Variants in MAML3 observed in about 807,000 individuals in gnomAD.
MAML3 encodes mastermind-like protein 3.
MAML3 carries 27 observed loss-of-function variants against 101.9 expected under a neutral mutation model. The ratio of observed to expected loss-of-function variants is 0.27; its 90% CI spans 0.20 to 0.37. MAML3 has a LOEUF of 0.37. Among genes scored for constraint, MAML3 ranks in the 10% least tolerant of loss-of-function variants. The pLI is 1.00. For synonymous variants in MAML3, 501 were observed against 555.9 expected (o/e 0.90, Z 1.39); for missense variants, 1,316 against 1,444.9 (o/e 0.91, Z 1.45).
intron 2 of MAML3, among the ~76,000 whole-genome samples, chr4:139,859,714 T>C (rs1017162401): frequency 5.3e-5 from 8 of 152,214 alleles, no homozygotes; most frequent in African/African-American, 1.9e-4. Context: ...CTAAAATTAT[T>C]CCCAATTTAC....
At chr4:140,062,686 T>TA (rs1727466893) in intron 1 of MAML3, among the ~76,000 whole-genome samples, 1 of 152,240 alleles carries the variant, frequency 6.6e-6, no homozygotes, top group South Asian at 2.1e-4. Context: ...TTGCAGTTGC[T>TA]AAAATCACAT....
chr4:139,979,865 G>T (rs1734412872), intron 1 of MAML3, among the ~76,000 whole-genome samples: 1 of 152,158 alleles, frequency 6.6e-6, no homozygotes. Flanking sequence ...ACCCAGTCCT[G>T]GGTATGTTGT....
At chr4:139,790,525 T>C (rs1274373819) in intron 2 of MAML3, among the ~76,000 whole-genome samples, 1 of 151,940 alleles carries the variant, frequency 6.6e-6, no homozygotes, top group Non-Finnish European at 1.5e-5. Flanking sequence ...ATAGAAACTG[T>C]ATCCATTAAC....
At chr4:139,795,788 A>C (rs1335950018) in intron 2 of MAML3, among the ~76,000 whole-genome samples, 1 of 152,172 alleles carries the variant, frequency 6.6e-6, no homozygotes. Flanking sequence ...GTAGTACCAT[A>C]TTGTTGTGGA....
chr4:139,977,615 G>A (rs1734365744), intron 1 of MAML3, among the ~76,000 whole-genome samples: 1 of 152,188 alleles, frequency 6.6e-6, no homozygotes, highest in Non-Finnish European at 1.5e-5. Flanking sequence ...GCTCACGCCT[G>A]TAATCCCAGC....
At chr4:139,885,243 A>G (rs2096659712) in intron 2 of MAML3, among the ~76,000 whole-genome samples, 1 of 151,922 alleles carries the variant, frequency 6.6e-6, no homozygotes, top group Admixed American at 6.6e-5. Context: ...TCTACTGAAA[A>G]TTAAAAAAAA....
At position 139,889,501 on chromosome 4, in the gene MAML3, CTGCTGCTGT is replaced by C; in HGVS notation, c.1926_1934del (p.Gln648_Gln650del). 1 of 1,611,414 alleles carries C rather than the reference CTGCTGCTGT, an allele frequency of 6.2e-7. No homozygotes were observed. The highest frequency in any genetic ancestry group is 8.5e-7 in the Non-Finnish European group (1 of 1,177,712). ...GAGGTGGCGGCTGCTGCTGCTGCTG[CTGCTGCTGT>C]TGCTGTTGCTGCTGCTGTTGCTGCT... On this transcript the variant is annotated inframe_deletion, in exon 2 of 5. Transcript: ENST00000509479.
intron 1 of MAML3, among the ~76,000 whole-genome samples, chr4:139,922,696 C>T (rs1359989842): frequency 6.6e-6 from 1 of 152,182 alleles, no homozygotes; most frequent in Non-Finnish European, 1.5e-5. Context: ...AATGGCCCAT[C>T]TTTCCCAAGG....
chr4:140,082,369 C>T (rs764609955), intron 1 of MAML3, among the ~76,000 whole-genome samples: 8 of 152,192 alleles, frequency 5.3e-5, no homozygotes, highest in Admixed American at 2.0e-4. Flanking sequence ...AAACAAACCA[C>T]ACAGACACAC....
At chr4:139,907,967 G>C (rs967948105) in intron 1 of MAML3, among the ~76,000 whole-genome samples, 13 of 152,166 alleles carry the variant, frequency 8.5e-5, no homozygotes, top group Non-Finnish European at 1.5e-4. Context: ...TGTCCACATT[G>C]CATGTATTAC....
At chr4:139,892,788 G>A (rs1253241580) in intron 1 of MAML3, among the ~76,000 whole-genome samples, 1 of 151,944 alleles carries the variant, frequency 6.6e-6, no homozygotes, top group South Asian at 2.1e-4. Flanking sequence ...AAAATTAGCC[G>A]GGCGTGGTGG....
intron 1 of MAML3, among the ~76,000 whole-genome samples, chr4:140,025,563 C>T (rs1359319041): frequency 1.3e-5 from 2 of 152,082 alleles, no homozygotes; most frequent in East Asian, 3.9e-4. Flanking sequence ...CACCTGGGTA[C>T]ACAGTTCACT....
chr4:140,000,281 AAG>A (rs1273969279), intron 1 of MAML3, among the ~76,000 whole-genome samples: 2 of 152,144 alleles, frequency 1.3e-5, no homozygotes, highest in Non-Finnish European at 2.9e-5. Flanking sequence ...ATGAGATAAA[AAG>A]AGCCAGCAAA....
At chr4:140,064,021 C>A (rs1727491004) in intron 1 of MAML3, among the ~76,000 whole-genome samples, 1 of 152,108 alleles carries the variant, frequency 6.6e-6, no homozygotes, top group Non-Finnish European at 1.5e-5. Context: ...CTTCTTAGAC[C>A]CCTTCTCCTC....
intron 1 of MAML3, among the ~76,000 whole-genome samples, chr4:140,150,856 A>C (rs1473996553): frequency 6.6e-6 from 1 of 151,798 alleles, no homozygotes; most frequent in Non-Finnish European, 1.5e-5. Flanking sequence ...GAAAAACTAC[A>C]GTGTGTCAGT....
chr4:139,982,132 T>C (rs1161082211), intron 1 of MAML3, among the ~76,000 whole-genome samples: 1 of 152,264 alleles, frequency 6.6e-6, no homozygotes, highest in Admixed American at 6.5e-5. Context: ...TTCTGTGTGA[T>C]AGATTTGTCT....
Position 139,746,920 on chromosome 4 carries a change from C to G in MAML3, c.2080-16253G>C, listed in dbSNP as rs528506287. 2.0e-5 allele frequency among the ~76,000 whole-genome samples: 3 copies of G among 152,084 alleles called. No individual in the cohort carries two copies. The South Asian group carries it at 6.2e-4, about 32-fold the overall frequency. On this transcript the variant is annotated intron_variant, in intron 2 of 4. Coordinates refer to ENST00000509479, the MANE Select transcript of MAML3 (RefSeq NM_018717.5). Reference sequence around the variant, plus strand: ...GAGGGGGTTGCTGGCGTCTGCTGTCCTGGACTAGGCCAGCTTTTGTCGGGG... The same window carrying G: ...GAGGGGGTTGCTGGCGTCTGCTGTCGTGGACTAGGCCAGCTTTTGTCGGGG...
In MAML3 at chr4:139,890,061, T is replaced by C; in HGVS notation, c.1375A>G (p.Ser459Gly). 6.2e-7 allele frequency: 1 copy of C among 1,609,906 alleles called. No homozygotes were observed. The highest frequency in any genetic ancestry group is 1.3e-5 in the African/African-American group (1 of 74,978). ...GSASGPVAVP[S>G]SDMSPAEQLK... The stretch of plus-strand genomic sequence containing the variant: ...TGTTCTGCTGGAGACATGTCAGAGC[T>C]GGGCACAGCCACAGGCCCTGACGCT... The change falls in exon 2 of 5, where the codon AGC (serine) becomes GGC (glycine). Residue 459 changes from serine to glycine, a missense_variant. Transcript: ENST00000509479. The surrounding 1 kb of genome is among the most constrained non-coding windows in gnomAD (Gnocchi z 4.1).
chr4:139,971,226 T>C (rs1485690008), intron 1 of MAML3, among the ~76,000 whole-genome samples: 1 of 152,200 alleles, frequency 6.6e-6, no homozygotes, highest in Non-Finnish European at 1.5e-5. Flanking sequence ...CTGGGCTACC[T>C]AAACTGCACT....
Sources: allele counts gnomAD v4.1 joint callset (sites outside exome capture counted in the v4.1 genomes callset), GRCh38; gene constraint gnomAD v4.1.1; non-coding constraint Gnocchi (gnomAD v3.1); transcripts MANE v1.5; gene names NCBI Gene and HGNC (gene_info 2026-07-23, HGNC 2026-07-21).